KCNN2: variants seen among roughly 807,000 people sequenced by gnomAD.
The protein encoded by KCNN2 is small conductance calcium-activated potassium channel protein 2.
Under a neutral mutation model 55.5 loss-of-function variants are expected in KCNN2, and 24 were observed. That is an observed-to-expected ratio of 0.43 (90% CI 0.31 to 0.61). The LOEUF is 0.61. Among genes scored for constraint, KCNN2 ranks in the 20% least tolerant of loss-of-function variants. The pLI, the probability that KCNN2 is intolerant of heterozygous loss-of-function variation, is 0.08. For missense variants in KCNN2, 754 were observed against 853.6 expected (o/e 0.88, Z 1.45); for synonymous variants, 431 against 336.1 (o/e 1.28, Z -3.09).
chr5:114,290,427 T>A (rs1259574757), intron 2 of KCNN2, among the ~76,000 whole-genome samples: 7 of 152,130 alleles, frequency 4.6e-5, no homozygotes, highest in Admixed American at 4.6e-4. Flanking sequence ...TCCTATAAGG[T>A]CAGTAGTTAT....
chr5:114,406,713 G>T (rs1019021953), intron 3 of KCNN2, among the ~76,000 whole-genome samples: 2 of 152,192 alleles, frequency 1.3e-5, no homozygotes, highest in African/African-American at 4.8e-5. Flanking sequence ...GGAACATTCT[G>T]ACTTGCATCT....
chr5:114,363,380 C>A (rs563194161), intron 1 of KCNN2, 119 bp downstream of exon 1: 2 of 1,273,184 alleles, frequency 1.6e-6, no homozygotes, highest in South Asian at 1.6e-5. Context: ...CAAGGGAGCC[C>A]GCCAGGACAG....
At chr5:114,268,093 C>T (rs1755247800) in intron 2 of KCNN2, among the ~76,000 whole-genome samples, 1 of 152,192 alleles carries the variant, frequency 6.6e-6, no homozygotes, top group Non-Finnish European at 1.5e-5. Flanking sequence ...GCCCAAATTG[C>T]ACACAGGGCA....
At chr5:114,206,371 G>A (rs914481866) in intron 1 of KCNN2, among the ~76,000 whole-genome samples, 7 of 151,942 alleles carry the variant, frequency 4.6e-5, no homozygotes, top group South Asian at 2.1e-4. Flanking sequence ...TAGTTAAGAC[G>A]CACCTAAATT....
chr5:114,223,484 T>G (rs76113960), intron 2 of KCNN2, among the ~76,000 whole-genome samples: 16,785 of 152,208 alleles, frequency 0.11, 1,181 homozygotes, highest in South Asian at 0.24. Flanking sequence ...ATTTTCACAT[T>G]TAATAAAATT....
At chr5:114,256,848 T>C (rs1261995834) in intron 2 of KCNN2, among the ~76,000 whole-genome samples, 2 of 152,178 alleles carry the variant, frequency 1.3e-5, no homozygotes, top group African/African-American at 4.8e-5. Flanking sequence ...TCTTTTGCTG[T>C]GCAGAAGCTT....
chr5:114,200,586 G>A (rs1753653982), intron 1 of KCNN2, among the ~76,000 whole-genome samples: 1 of 151,398 alleles, frequency 6.6e-6, no homozygotes, highest in African/African-American at 2.4e-5. Flanking sequence ...ATATTTCCTT[G>A]CTTTTTCATG....
Position 114,202,496 on chromosome 5 carries a change from A to AAT in KCNN2, c.-270-18964_-270-18963dup, listed in dbSNP as rs10555014. Among the ~76,000 whole-genome samples the AAT allele has an allele frequency of 3.2e-3, 445 of 139,926 alleles. 1 individual carries two copies. The highest frequency in any genetic ancestry group is 6.6e-3 in the African/African-American group (250 of 37,600). 91.8% of individuals were successfully genotyped at this position (139,926 alleles called of 152,430 possible). Reference sequence around the variant, plus strand: ...TTAAATACCATAGCACTTCATGCCTAATATATATATATATATATATAGCCT... The same window carrying AAT: ...TTAAATACCATAGCACTTCATGCCTAATATATATATATATATATATATAGCCT... On this transcript the variant is annotated intron_variant, in intron 1 of 10. Coordinates refer to the KCNN2 transcript ENST00000512097.
intron 2 of KCNN2, among the ~76,000 whole-genome samples, chr5:114,392,518 G>A (rs960018223): frequency 1.3e-5 from 2 of 152,178 alleles, no homozygotes; most frequent in African/African-American, 4.8e-5. Context: ...AGGATGGATG[G>A]TGAGGGAATG....
At chr5:114,324,178 G>C (rs766551596) in intron 2 of KCNN2, among the ~76,000 whole-genome samples, 45 of 152,086 alleles carry the variant, frequency 3.0e-4, no homozygotes, top group Admixed American at 5.2e-4. Flanking sequence ...TTCATACGTT[G>C]TACCAACACC....
chr5:114,235,026 G>A (rs1754463389), intron 2 of KCNN2, among the ~76,000 whole-genome samples: 1 of 152,116 alleles, frequency 6.6e-6, no homozygotes, highest in Admixed American at 6.5e-5. Context: ...TATCCTTTCT[G>A]TGAACATGAA....
chr5:114,249,714 C>T (rs1404315078), intron 2 of KCNN2, among the ~76,000 whole-genome samples: 2 of 142,792 alleles, frequency 1.4e-5, no homozygotes, highest in African/African-American at 2.7e-5. Context: ...AGAACCTAAA[C>T]AGTTCGGAAT....
intron 2 of KCNN2, among the ~76,000 whole-genome samples, chr5:114,239,312 A>G (rs1754571913): frequency 6.6e-6 from 1 of 152,180 alleles, no homozygotes; most frequent in Non-Finnish European, 1.5e-5. Flanking sequence ...GCCACCAAAG[A>G]CTTTGAGAAG....
chr5:114,337,322 G>A (rs1438270955), intron 2 of KCNN2, among the ~76,000 whole-genome samples: 4 of 152,190 alleles, frequency 2.6e-5, no homozygotes, highest in East Asian at 1.9e-4. Context: ...AGCTGAGACA[G>A]TATTTGAACT....
intron 3 of KCNN2, among the ~76,000 whole-genome samples, chr5:114,447,100 A>G (rs1429483343): frequency 2.6e-5 from 4 of 152,154 alleles, no homozygotes; most frequent in Non-Finnish European, 4.4e-5. Context: ...TGCAGCTCCT[A>G]TTTCCTTTTC....
intron 3 of KCNN2, among the ~76,000 whole-genome samples, chr5:114,432,563 TG>T (rs1759831793): frequency 6.6e-6 from 1 of 152,202 alleles, no homozygotes; most frequent in African/African-American, 2.4e-5. Flanking sequence ...CTCCTCTGCC[TG>T]GGCTCCCACT....
intron 1 of KCNN2, among the ~76,000 whole-genome samples, chr5:114,168,174 T>TATATATACAC (rs1554072772): frequency 2.0e-5 from 3 of 148,612 alleles, no homozygotes; most frequent in African/African-American, 7.4e-5. Flanking sequence ...TGGATATATA[T>TATATATACAC]ACACACACAC....
chr5:114,317,547 CT>C (rs1176161953), intron 2 of KCNN2, among the ~76,000 whole-genome samples: 1 of 152,190 alleles, frequency 6.6e-6, no homozygotes, highest in Non-Finnish European at 1.5e-5. Flanking sequence ...AAATTAACCT[CT>C]TTCTGACTTA....
chr5:114,170,807 T>A (rs1448246993), intron 1 of KCNN2, among the ~76,000 whole-genome samples: 1 of 152,012 alleles, frequency 6.6e-6, no homozygotes, highest in Non-Finnish European at 1.5e-5. Context: ...TGCCCTAAAC[T>A]ACATTCTTGA....
Sources: allele counts gnomAD v4.1 joint callset (sites outside exome capture counted in the v4.1 genomes callset), GRCh38; gene constraint gnomAD v4.1.1; transcripts MANE v1.5; gene names NCBI Gene and HGNC (gene_info 2026-07-23, HGNC 2026-07-21).